Variants in EXTL1 observed in about 807,000 individuals in gnomAD.
EXTL1 encodes the protein exostosin-like 1.
In EXTL1, 43 loss-of-function variants were observed where a neutral mutation model predicts 64.6. That is an observed-to-expected ratio of 0.67 (90% CI 0.52 to 0.86). EXTL1 has a LOEUF of 0.86. EXTL1 is among the 40% of genes least tolerant of loss of function. The pLI is 0.00. For missense variants in EXTL1, 766 were observed against 879.0 expected, an observed-to-expected ratio of 0.87 and a Z score of 1.62; for synonymous variants, 352 against 360.5, an observed-to-expected ratio of 0.98 and a Z score of 0.27.
Position 26,033,695 on chromosome 1 carries a change from G to A in EXTL1, c.1519-1G>A, listed in dbSNP as rs1269115292. Reference sequence around the variant, plus strand: ...CACAGCTCACTTGAGTCCCTCCCCAGGTGGACTTTGCCTTTCTGGTGTGGC... The same window carrying A: ...CACAGCTCACTTGAGTCCCTCCCCAAGTGGACTTTGCCTTTCTGGTGTGGC... On this transcript the variant is annotated splice_acceptor_variant, in intron 8 of 10. Coordinates refer to ENST00000374280, the MANE Select transcript of EXTL1 (RefSeq NM_004455.3). LOFTEE classifies it high-confidence loss of function. This position sits in a 1 kb window ranked among gnomAD's most constrained non-coding sequence, Gnocchi z 5.1. 6 of 1,613,778 alleles carry A rather than the reference G, an allele frequency of 3.7e-6. No homozygotes were observed. Among genetic ancestry groups the A allele is most frequent in the Non-Finnish European group, 5.1e-6 (6 of 1,179,808 alleles).
intron 1 of EXTL1, among the ~76,000 whole-genome samples, chr1:26,028,870 C>G (rs1027051282): frequency 6.6e-6 from 1 of 152,188 alleles, no homozygotes; most frequent in Non-Finnish European, 1.5e-5. Flanking sequence ...GAAACATCAG[C>G]GTCCGCTGCC....
In EXTL1 at chr1:26,028,166, G is replaced by A. The variant is rs550953783; in HGVS notation, c.780-1027G>A. On this transcript the variant is annotated intron_variant, in intron 1 of 10. Coordinates refer to ENST00000374280, the MANE Select transcript of EXTL1 (RefSeq NM_004455.3). Reference sequence around the variant, plus strand: ...GGACAAAGAAGGCTGGGGTCCCCTGGAAGACCCCTAAAGCAGCAGCTCTGG... The same window carrying A: ...GGACAAAGAAGGCTGGGGTCCCCTGAAAGACCCCTAAAGCAGCAGCTCTGG... 1.6e-4 allele frequency among the ~76,000 whole-genome samples: 25 copies of A among 152,268 alleles called. 1 individual carries two copies. The South Asian group carries it at 5.2e-3, about 32-fold the overall frequency.
At position 26,034,574 on chromosome 1, in the gene EXTL1, A is replaced by C. The variant is rs1409324641; in HGVS notation, c.1680-262A>C. On this transcript the variant is annotated intron_variant, in intron 9 of 10. Transcript: ENST00000374280. The surrounding 1 kb of genome is among the most constrained non-coding windows in gnomAD (Gnocchi z 4.6). ...CCAAACCCATCTAATTCTGGCTCTG[A>C]GTTCAGCGCTCAGAGCCCAAGGATG... Among the ~76,000 whole-genome samples, 2 of 152,096 alleles carry C rather than the reference A, an allele frequency of 1.3e-5. No individual in the cohort carries two copies. Among genetic ancestry groups the C allele is most frequent in the African/African-American group, 4.8e-5 (2 of 41,380 alleles).
intron 1 of EXTL1, among the ~76,000 whole-genome samples, chr1:26,024,406 C>T (rs562983473): frequency 2.0e-5 from 3 of 152,294 alleles, no homozygotes; most frequent in African/African-American, 4.8e-5. Context: ...TTGCTCCTCC[C>T]TCAGGTCTCT....
intron 1 of EXTL1, among the ~76,000 whole-genome samples, chr1:26,026,501 T>A (rs997759554): frequency 6.6e-6 from 1 of 151,646 alleles, no homozygotes; most frequent in Non-Finnish European, 1.5e-5. Context: ...ACCATGTTGG[T>A]CAGGCTGGTC....
In EXTL1 at chr1:26,035,365, A is replaced by G; in HGVS notation, c.*18A>G. 1.9e-6 allele frequency: 3 copies of G among 1,579,614 alleles called. No homozygotes were observed. The highest frequency in any genetic ancestry group is 2.6e-6 in the Non-Finnish European group (3 of 1,158,254). On this transcript the variant is annotated 3_prime_UTR_variant, in exon 11 of 11. Transcript: ENST00000374280. The surrounding 1 kb of genome is among the most constrained non-coding windows in gnomAD (Gnocchi z 5.3). Reference sequence around the variant, plus strand: ...AGCCCTAGGGGGGCGACCCGCGGAGACCCCAGCAGAGGTCGCAGCCCAGCT... The same window carrying G: ...AGCCCTAGGGGGGCGACCCGCGGAGGCCCCAGCAGAGGTCGCAGCCCAGCT...
Position 26,032,365 on chromosome 1 carries a change from C to A in EXTL1, c.1342-31C>A, listed in dbSNP as rs761819007. 9 of 1,506,866 alleles carry A rather than the reference C, an allele frequency of 6.0e-6. No homozygotes were observed. In the Admixed American group the frequency reaches 1.8e-4, roughly 30 times the overall value. 93.3% of individuals were successfully genotyped at this position (1,506,866 alleles called of 1,614,324 possible). A position where few individuals can be genotyped will look rare whatever the true frequency, so the allele number is the denominator to read the frequency against. On this transcript the variant is annotated intron_variant, in intron 6 of 10. Coordinates refer to ENST00000374280, the MANE Select transcript of EXTL1 (RefSeq NM_004455.3). ...GCAACCCGCCTTCTGCCCCAGATCC[C>A]AGACTTCAAGAACAACCCCCTATCC...
At chr1:26,026,072 C>T (rs1056312836) in intron 1 of EXTL1, among the ~76,000 whole-genome samples, 1 of 151,832 alleles carries the variant, frequency 6.6e-6, no homozygotes, top group African/African-American at 2.4e-5. Flanking sequence ...GACCCTGTCT[C>T]TACAAGAATT....
rs931336284 is a variant in EXTL1, at chr1:26,022,764, C to A, written c.118C>A (p.Pro40Thr). The A allele has an allele frequency of 3.7e-6, 6 of 1,613,974 alleles. No homozygotes were observed. Among genetic ancestry groups the A allele is most frequent in the Non-Finnish European group, 5.1e-6 (6 of 1,179,994 alleles). ...CCTGGCATTGCCTCCCAGACCTCGG[C>A]CCGGGGCTTCCCAAGGCTGGCCCCG... ...LRLALPPRPR[P>T]GASQGWPRWL... Residue 40 changes from proline (P) to threonine (T), a missense_variant, in exon 1 of 11, where the codon CCC becomes ACC. Physicochemically the swap from Pro to Thr is conservative, Grantham distance 38. Coordinates refer to ENST00000374280, the MANE Select transcript of EXTL1 (RefSeq NM_004455.3).
intron 1 of EXTL1, among the ~76,000 whole-genome samples, chr1:26,026,243 A>C (rs988877706): frequency 2.4e-5 from 2 of 81,934 alleles, no homozygotes; most frequent in African/African-American, 1.2e-4. Flanking sequence ...ACTCTGTTTC[A>C]AAAAAAAAAA....
chr1:26,024,881 C>T (rs2050198091), intron 1 of EXTL1, among the ~76,000 whole-genome samples: 1 of 152,304 alleles, frequency 6.6e-6, no homozygotes, highest in South Asian at 2.1e-4. Context: ...TGATTTCAGT[C>T]TGAACTTCTT....
Position 26,035,564 on chromosome 1 carries a change from C to G in EXTL1, c.*217C>G, listed in dbSNP as rs1166222880. ...CGGAGCCTCTGCGGAGGCTGAGCCC[C>G]GCGACCGGAGCGCCGCTCTCCGCTT... On this transcript the variant is annotated 3_prime_UTR_variant, in exon 11 of 11. Transcript: ENST00000374280. The surrounding 1 kb of genome is among the most constrained non-coding windows in gnomAD (Gnocchi z 5.3). 7 of 453,666 alleles carry G rather than the reference C, an allele frequency of 1.5e-5. No homozygotes were observed. The East Asian group carries it at 2.3e-4, about 15-fold the overall frequency. 28.1% of individuals were successfully genotyped at this position (453,666 alleles called of 1,614,324 possible).
chr1:26,029,344 AGGG>A (rs1363547624), intron 2 of EXTL1, 58 bp downstream of exon 2: 2 of 1,392,218 alleles, frequency 1.4e-6, no homozygotes, highest in Non-Finnish European at 1.0e-6. Flanking sequence ...ATGAGCTGGC[AGGG>A]TACTCTGGGT....
Position 26,033,835 on chromosome 1 carries a change from C to T in EXTL1, c.1658C>T (p.Thr553Ile). Residue 553 changes from threonine to isoleucine, a missense_variant, in exon 9 of 11, where the codon ACC becomes ATC. This residue lies in a region of EXTL1 where 194 missense variants were observed against 214.5 expected (regional missense o/e 0.90). Transcript: ENST00000374280. This position sits in a 1 kb window ranked among gnomAD's most constrained non-coding sequence, Gnocchi z 5.1. ...ACCAACGAATTCTCCATGGTTCTCACCACAGCCGCCTTCTACCATAGGTAC... is the reference window on the plus strand; with the variant it reads ...ACCAACGAATTCTCCATGGTTCTCATCACAGCCGCCTTCTACCATAGGTAC... ...ERTNEFSMVL[T>I]TAAFYHRYYH... is the part of the protein sequence containing the mutation. 1 of 1,613,942 alleles carries T rather than the reference C, an allele frequency of 6.2e-7. No individual in the cohort carries two copies. The highest frequency in any genetic ancestry group is 8.5e-7 in the Non-Finnish European group (1 of 1,179,898).
intron 1 of EXTL1, among the ~76,000 whole-genome samples, chr1:26,026,290 G>GA (rs1553141668): frequency 0.13 from 8,355 of 64,146 alleles, 358 homozygotes; most frequent in Middle Eastern, 0.2. Context: ...TCAGGTAGAA[G>GA]AAAAAAATTT....
intron 6 of EXTL1, chr1:26,032,181 C>T (rs975569314): frequency 3.7e-6 from 2 of 537,712 alleles, no homozygotes; most frequent in Non-Finnish European, 3.3e-6. Flanking sequence ...CAGGTCACTA[C>T]CCTCATGTCA....
Position 26,035,053 on chromosome 1 carries a change from T to C in EXTL1, c.1848+49T>C. 3 of 1,606,282 alleles carry C rather than the reference T, an allele frequency of 1.9e-6. No homozygotes were observed. The highest frequency in any genetic ancestry group is 2.6e-6 in the Non-Finnish European group (3 of 1,174,344). ...GGAACTGGCAGGGATTGGGCGGGGA[T>C]GCCGGAGAGGATTCCCTCTCACTGT... On this transcript the variant is annotated intron_variant, in intron 10 of 10. Coordinates refer to ENST00000374280, the MANE Select transcript of EXTL1 (RefSeq NM_004455.3). This position sits in a 1 kb window ranked among gnomAD's most constrained non-coding sequence, Gnocchi z 5.3.
Position 26,022,278 on chromosome 1 carries a change from CA to C in EXTL1, c.-368del. 1 of 195,948 alleles carries C rather than the reference CA, an allele frequency of 5.1e-6. No individual in the cohort carries two copies. 12.1% of individuals were successfully genotyped at this position (195,948 alleles called of 1,614,324 possible). A position where few individuals can be genotyped will look rare whatever the true frequency, so the allele number is the denominator to read the frequency against. On this transcript the variant is annotated 5_prime_UTR_variant, in exon 1 of 11. It introduces an in-frame stop codon into an upstream open reading frame of the 5' UTR. Coordinates refer to ENST00000374280, the MANE Select transcript of EXTL1 (RefSeq NM_004455.3). ...AGGTCAAGGGGTGCAGCCAGGAGGG[CA>C]GGGGGACACGGCCCTGCATTCTGGA... is the stretch of plus-strand genomic sequence containing the variant.
rs984232278 is a variant in EXTL1 at position 26,023,283 on chromosome 1, G to C, written c.637G>C (p.Gly213Arg). 1.3e-6 allele frequency: 2 copies of C among 1,574,336 alleles called. No individual in the cohort carries two copies. Among genetic ancestry groups the C allele is most frequent in the Non-Finnish European group, 1.7e-6 (2 of 1,156,540 alleles). Residue 213 changes from glycine (G) to arginine (R), a missense_variant, in exon 1 of 11, where the codon GGC becomes CGC. By Grantham distance (125) the Gly-to-Arg change is moderately radical. Around this residue, in one of 3 missense-constraint regions of EXTL1, gnomAD observed 571 missense variants for 647.6 expected, o/e 0.88. Transcript: ENST00000374280. ...EAHPLRGGAP[G>R]QLRQHSPQPG... ...CCACCCGTTGCGAGGTGGGGCTCCT[G>C]GCCAGCTGCGGCAACACAGCCCCCA... is the stretch of plus-strand genomic sequence containing the variant.
Sources: gnomAD v4.1 joint callset for allele counts (sites outside exome capture counted in the v4.1 genomes callset) on GRCh38, gnomAD v4.1.1 for gene constraint, gnomAD v4.1.1 regional missense constraint, Gnocchi (gnomAD v3.1) non-coding constraint, MANE v1.5 for transcripts, NCBI Gene and HGNC (gene_info 2026-07-23, HGNC 2026-07-21) for gene names.